The following BRD10 variants were observed in gnomAD, a reference collection of about 807,000 sequenced individuals.
BRD10 encodes bromodomain containing 10, also known as uncharacterized bromodomain-containing protein 10.
chr9:5,919,152 T>C, the BRD10 span: 1 of 152,832 alleles, frequency 6.5e-6, no homozygotes, highest in African/African-American at 2.4e-5. Flanking sequence ...GCATAGTTCT[T>C]TGTACATATA....
the BRD10 span, chr9:5,920,046 G>A: frequency 5.6e-6 from 9 of 1,613,976 alleles, no homozygotes; most frequent in Non-Finnish European, 6.8e-6. Flanking sequence ...TTTATGAGTT[G>A]TGGTGATGTA....
chr9:5,904,496 T>C, the BRD10 span, among the ~76,000 whole-genome samples: 2 of 152,032 alleles, frequency 1.3e-5, no homozygotes, highest in Non-Finnish European at 2.9e-5. Flanking sequence ...TGAGACAGAA[T>C]CTCACTCACT....
the BRD10 span, among the ~76,000 whole-genome samples, chr9:6,005,825 A>G: frequency 6.6e-6 from 1 of 152,260 alleles, no homozygotes; most frequent in South Asian, 2.1e-4. Flanking sequence ...AAAGTATTAA[A>G]AGTAATTTAC....
At chr9:5,938,685 C>T in the BRD10 span, among the ~76,000 whole-genome samples, 482 of 151,040 alleles carry the variant, frequency 3.2e-3, 1 homozygote, top group African/African-American at 0.012. Context: ...TGTTGTGCAA[C>T]ATTTCCAAAA....
chr9:5,911,288 T>C, the BRD10 span, among the ~76,000 whole-genome samples: 2 of 152,300 alleles, frequency 1.3e-5, no homozygotes, highest in African/African-American at 4.8e-5. Flanking sequence ...AGCACCATTT[T>C]TTGAAGAGAC....
At chr9:5,905,065 G>A in the BRD10 span, among the ~76,000 whole-genome samples, 2 of 152,172 alleles carry the variant, frequency 1.3e-5, no homozygotes, top group South Asian at 2.1e-4. Flanking sequence ...GAGCCACCGT[G>A]CCCGGCCTTA....
chr9:5,993,944 CAAAA>C, the BRD10 span, among the ~76,000 whole-genome samples: 859 of 152,120 alleles, frequency 5.6e-3, 43 homozygotes, highest in South Asian at 0.13. Context: ...GGAATTCTGA[CAAAA>C]AAATTTGCAT....
the BRD10 span, among the ~76,000 whole-genome samples, chr9:5,928,551 C>G: frequency 6.6e-6 from 1 of 152,170 alleles, no homozygotes; most frequent in Non-Finnish European, 1.5e-5. Context: ...TCTGGTTACA[C>G]TTGCCTCTTT....
the BRD10 span, chr9:6,007,957 T>G: frequency 7.7e-7 from 1 of 1,297,560 alleles, no homozygotes; most frequent in Non-Finnish European, 9.7e-7. Flanking sequence ...GGTCTTGAGC[T>G]CACCGCCGGC....
chr9:5,899,531 G>C, the BRD10 span, among the ~76,000 whole-genome samples: 38 of 152,266 alleles, frequency 2.5e-4, no homozygotes, highest in African/African-American at 7.9e-4. Context: ...TGATGAATCT[G>C]AACAAGACTC....
At chr9:5,929,346 T>C in the BRD10 span, among the ~76,000 whole-genome samples, 1 of 152,218 alleles carries the variant, frequency 6.6e-6, no homozygotes, top group Non-Finnish European at 1.5e-5. Flanking sequence ...TTCTCAATTC[T>C]ACCAGAGAAA....
the BRD10 span, among the ~76,000 whole-genome samples, chr9:5,942,072 C>T: frequency 7.9e-5 from 12 of 151,904 alleles, no homozygotes; most frequent in Non-Finnish European, 1.6e-4. Context: ...GAGCCATTAT[C>T]ATAGATAATG....
the BRD10 span, among the ~76,000 whole-genome samples, chr9:5,997,657 T>C: frequency 6.6e-6 from 1 of 152,158 alleles, no homozygotes; most frequent in East Asian, 1.9e-4. Context: ...ATGGAGAAAG[T>C]TGATGTTGCG....
chr9:5,918,984 C>A, the BRD10 span: 1 of 152,566 alleles, frequency 6.6e-6, no homozygotes, highest in Admixed American at 6.5e-5. Context: ...TTCAATGGAA[C>A]AAGAACACAC....
At chr9:5,970,828 A>G in the BRD10 span, among the ~76,000 whole-genome samples, 1 of 152,144 alleles carries the variant, frequency 6.6e-6, no homozygotes, top group African/African-American at 2.4e-5. Context: ...AGGCGAGTGG[A>G]TCATCTGAGG....
chr9:5,909,997 G>A, the BRD10 span: 1 of 152,158 alleles, frequency 6.6e-6, no homozygotes, highest in African/African-American at 2.4e-5. Context: ...ATTTTCCATA[G>A]TAGAGGATAA....
At chr9:5,895,277 G>A in the BRD10 span, among the ~76,000 whole-genome samples, 1 of 152,084 alleles carries the variant, frequency 6.6e-6, no homozygotes, top group African/African-American at 2.4e-5. Flanking sequence ...ATAAGTAACT[G>A]CACATGGCCA....
chr9:5,921,992 G>A, the BRD10 span: 6 of 1,613,838 alleles, frequency 3.7e-6, no homozygotes, highest in African/African-American at 4.0e-5. Flanking sequence ...TCCAGCTACA[G>A]GTGAAAAAGC....
chr9:6,002,892 C>G, the BRD10 span, among the ~76,000 whole-genome samples: 4 of 151,988 alleles, frequency 2.6e-5, no homozygotes, highest in Non-Finnish European at 5.9e-5. Context: ...ATCATGTTGG[C>G]CAAGCTAGTC....
Sources: gnomAD v4.1 joint callset for allele counts (sites outside exome capture counted in the v4.1 genomes callset) on GRCh38, gnomAD v4.1.1 for gene constraint, MANE v1.5 for transcripts, NCBI Gene and HGNC (gene_info 2026-07-23, HGNC 2026-07-21) for gene names.